Variants in CLCA4 observed in about 807,000 individuals in gnomAD.
CLCA4 encodes calcium-activated chloride channel regulator 4.
In CLCA4, 69 loss-of-function variants were observed where a neutral mutation model predicts 78.9. The ratio of observed to expected loss-of-function variants is 0.87; its 90% CI spans 0.72 to 1.07. The LOEUF (loss-of-function observed/expected upper bound fraction) is 1.07. Among genes scored for constraint, CLCA4 ranks in the 50% least tolerant of loss-of-function variants. The pLI, the probability that CLCA4 is intolerant of heterozygous loss-of-function variation, is 0.00. For missense variants in CLCA4, 1,133 were observed against 1,095.8 expected, an observed-to-expected ratio of 1.03 and a Z score of -0.48; for synonymous variants, 362 against 375.8, an observed-to-expected ratio of 0.96 and a Z score of 0.42.
chr1:86,552,929 G>A (rs1649710124), intron 1 of CLCA4: 2 of 657,556 alleles, frequency 3.0e-6, no homozygotes, highest in Non-Finnish European at 2.8e-6. Context: ...TCCCTCTGCG[G>A]GTGCCTCGGC....
intron 4 of CLCA4, among the ~76,000 whole-genome samples, 171 bp downstream of exon 4, chr1:86,563,940 C>T (rs896301668): frequency 2.6e-5 from 4 of 151,980 alleles, no homozygotes; most frequent in Admixed American, 6.6e-5. Context: ...TTAAAACATA[C>T]ATAATTTCAA....
At chr1:86,554,179 T>C (rs1649758949) in intron 1 of CLCA4, among the ~76,000 whole-genome samples, 1 of 152,172 alleles carries the variant, frequency 6.6e-6, no homozygotes, top group Non-Finnish European at 1.5e-5. Flanking sequence ...CAGTGTCTCT[T>C]GTTCTCTTCT....
rs774179200 is a variant in CLCA4 at position 86,549,806 on chromosome 1, G to A, written c.159+2528G>A. Among the ~76,000 whole-genome samples the A allele has an allele frequency of 4.3e-4, 65 of 152,180 alleles. 1 individual carries two copies. Among genetic ancestry groups the A allele is most frequent in the Admixed American group, 3.9e-4 (6 of 15,282 alleles). On this transcript the variant is annotated intron_variant, in intron 1 of 13. Coordinates refer to ENST00000370563, the MANE Select transcript of CLCA4 (RefSeq NM_012128.4). ...TTGGAAAATCAAGAGTTAGTTGGTT[G>A]GGGCTTTTGGAATTTATGTTACTTC... is the stretch of plus-strand genomic sequence containing the variant.
chr1:86,575,287 T>A, intron 10 of CLCA4, 45 bp from the exon 11 acceptor site: 2 of 1,470,254 alleles, frequency 1.4e-6, no homozygotes, highest in South Asian at 2.4e-5. Context: ...ATATAGAAAG[T>A]AGCTTGACTT....
chr1:86,579,252 A>G, intron 12 of CLCA4, 102 bp from the exon 13 acceptor site: 1 of 857,660 alleles, frequency 1.2e-6, no homozygotes, highest in Non-Finnish European at 1.9e-6. Context: ...GTGACTGTAT[A>G]TATTTTTTTA....
chr1:86,568,645 GCT>G (rs1179367335), intron 7 of CLCA4, among the ~76,000 whole-genome samples: 1 of 151,704 alleles, frequency 6.6e-6, no homozygotes, highest in African/African-American at 2.4e-5. Context: ...CCCTCTTGAT[GCT>G]CTGTCCTCCA....
chr1:86,553,094 C>A (rs1240747581), intron 1 of CLCA4: 9 of 727,850 alleles, frequency 1.2e-5, no homozygotes, highest in Admixed American at 6.4e-5. Context: ...CACCCTGCAG[C>A]CTGGGGTGTG....
Position 86,580,411 on chromosome 1 carries a change from A to G in CLCA4, c.*66A>G. On this transcript the variant is annotated 3_prime_UTR_variant, in exon 14 of 14. Transcript: ENST00000370563. ...GAGTTTTAAAAAACAAAACAATGTA[A>G]GTAAAGGATATTTCTGAATCTTAAA... 3.3e-6 allele frequency: 4 copies of G among 1,228,312 alleles called. No homozygotes were observed. The highest frequency in any genetic ancestry group is 1.8e-5 in the South Asian group (1 of 56,688). 76.1% of individuals were successfully genotyped at this position (1,228,312 alleles called of 1,614,324 possible).
intron 6 of CLCA4, 56 bp from the exon 7 acceptor site, chr1:86,567,365 ATCT>A (rs2101806677): frequency 1.5e-6 from 2 of 1,345,400 alleles, no homozygotes; most frequent in Admixed American, 2.2e-5. Flanking sequence ...ATTTTATGTG[ATCT>A]TCTATTATTT....
intron 4 of CLCA4, 88 bp from the exon 5 acceptor site, chr1:86,565,186 T>C: frequency 1.2e-6 from 1 of 855,120 alleles, no homozygotes; most frequent in Non-Finnish European, 1.8e-6. Context: ...CATCTTGATA[T>C]AAAGTTCATC....
At position 86,567,623 on chromosome 1, in the gene CLCA4, T is replaced by A. The variant is rs1295515815; in HGVS notation, c.1154T>A (p.Ile385Asn). The change falls in exon 7 of 14, where the codon ATC becomes AAC. Residue 385 changes from isoleucine to asparagine, a missense_variant. Coordinates refer to ENST00000370563, the MANE Select transcript of CLCA4 (RefSeq NM_012128.4). The stretch of plus-strand genomic sequence containing the variant: ...ACATATCCTCTGGGAGGAACTTCCA[T>A]CTGCTCTGGAATTAAATATGCATTT... ...LPTYPLGGTSICSGIKYAFQV... is the reference protein window; with the variant it reads ...LPTYPLGGTSNCSGIKYAFQV... 1 of 1,612,244 alleles carries A rather than the reference T, an allele frequency of 6.2e-7. No individual in the cohort carries two copies. The highest frequency in any genetic ancestry group is 8.5e-7 in the Non-Finnish European group (1 of 1,178,892).
At chr1:86,567,369 T>C in intron 6 of CLCA4, 55 bp from the exon 7 acceptor site, 1 of 1,383,334 alleles carries the variant, frequency 7.2e-7, no homozygotes, top group Non-Finnish European at 1.0e-6. Context: ...TATGTGATCT[T>C]CTATTATTTT....
intron 11 of CLCA4, among the ~76,000 whole-genome samples, chr1:86,576,582 A>T (rs541255001): frequency 3.3e-5 from 5 of 152,208 alleles, no homozygotes; most frequent in Admixed American, 3.3e-4. Flanking sequence ...GGACAGCATC[A>T]AGAAAGCCTG....
In CLCA4 at chr1:86,569,445, T is replaced by C. The variant is rs928799953; in HGVS notation, c.1183-1632T>C. Reference sequence around the variant, plus strand: ...AGATCTTAAAAAACTTCAAAAAATATGAGGCTTGTATTTTGTTTCAAGCAC... The same window carrying C: ...AGATCTTAAAAAACTTCAAAAAATACGAGGCTTGTATTTTGTTTCAAGCAC... On this transcript the variant is annotated intron_variant, in intron 7 of 13. Transcript: ENST00000370563. 5.3e-5 allele frequency among the ~76,000 whole-genome samples: 8 copies of C among 152,082 alleles called. No individual in the cohort carries two copies. The East Asian group carries it at 1.2e-3, about 22-fold the overall frequency.
At position 86,563,833 on chromosome 1, in the gene CLCA4, G is replaced by T; in HGVS notation, c.557+64G>T. On this transcript the variant is annotated intron_variant, in intron 4 of 13. Transcript: ENST00000370563. ...TTATCCATTCTTATTTTCCTACTTT[G>T]ATTTCTTCCAAAATCATTCTTAATG... 3 of 864,412 alleles carry T rather than the reference G, an allele frequency of 3.5e-6. No individual in the cohort carries two copies. In the South Asian group the frequency reaches 5.0e-5, roughly 14 times the overall value. 53.5% of individuals were successfully genotyped at this position (864,412 alleles called of 1,614,324 possible). A position where few individuals can be genotyped will look rare whatever the true frequency, so the allele number is the denominator to read the frequency against.
At position 86,575,611 on chromosome 1, in the gene CLCA4, G is replaced by A. The variant is rs1459222436; in HGVS notation, c.1951+12G>A. The A allele has an allele frequency of 6.2e-7, 1 of 1,607,642 alleles. No individual in the cohort carries two copies. The highest frequency in any genetic ancestry group is 1.3e-5 in the African/African-American group (1 of 74,704). On this transcript the variant is annotated intron_variant, in intron 11 of 13. Coordinates refer to ENST00000370563, the MANE Select transcript of CLCA4 (RefSeq NM_012128.4). ...GGATAATGGTGCAGGTAATTCACAG[G>A]TTTTTATGAATAAGCCAATATTTTC... is the stretch of plus-strand genomic sequence containing the variant.
At chr1:86,579,132 G>C (rs1030264468) in intron 12 of CLCA4, among the ~76,000 whole-genome samples, 1 of 151,942 alleles carries the variant, frequency 6.6e-6, no homozygotes, top group African/African-American at 2.4e-5. Context: ...CCCAGTGTAG[G>C]CTTAATTCTA....
rs1326158723 is a variant in CLCA4 at position 86,580,734 on chromosome 1, TAAACAAC to T, written c.*391_*397del. 1.3e-5 allele frequency: 2 copies of T among 158,228 alleles called. No homozygotes were observed. The highest frequency in any genetic ancestry group is 4.8e-5 in the African/African-American group (2 of 41,666). The allele number at this position is 158,228 out of a possible 1,614,324, so 9.8% of individuals were successfully genotyped here. ...CAAAATACAAGTAAAGGAGAGCAAA[TAAACAAC>T]ATTTGGAAAAAAATGAATTTGGTGT... On this transcript the variant is annotated 3_prime_UTR_variant, in exon 14 of 14. Coordinates refer to ENST00000370563, the MANE Select transcript of CLCA4 (RefSeq NM_012128.4).
chr1:86,568,332 AT>A (rs201182353), intron 7 of CLCA4, among the ~76,000 whole-genome samples: 2,133 of 149,624 alleles, frequency 0.014, 24 homozygotes, highest in Non-Finnish European at 0.023. Context: ...TATTTACTAT[AT>A]TATATAGTAA....
Sources: allele counts gnomAD v4.1 joint callset (sites outside exome capture counted in the v4.1 genomes callset), GRCh38; gene constraint gnomAD v4.1.1; transcripts MANE v1.5; gene names NCBI Gene and HGNC (gene_info 2026-07-23, HGNC 2026-07-21).